Variants in PCDHGC5 observed in about 807,000 individuals in gnomAD.
The protein encoded by PCDHGC5 is protocadherin gamma-C5.
PCDHGC5 carries 25 observed loss-of-function variants against 59.0 expected under a neutral mutation model. That is an observed-to-expected ratio of 0.42 (90% CI 0.31 to 0.59). The LOEUF (loss-of-function observed/expected upper bound fraction) is 0.59. PCDHGC5 is among the 20% of genes least tolerant of loss of function. The probability of loss-of-function intolerance (pLI) is 0.13; values close to 1 mark genes in which losing one functional copy is unlikely to be tolerated. For missense variants in PCDHGC5, 1,067 were observed against 1,206.4 expected (o/e 0.88, Z 1.71); for synonymous variants, 434 against 505.5 (o/e 0.86, Z 1.90).
intron 2 of PCDHGC5, among the ~76,000 whole-genome samples, chr5:141,498,956 A>G (rs547381859): frequency 2.4e-5 from 3 of 124,058 alleles, no homozygotes; most frequent in African/African-American, 6.3e-5. Context: ...AAAAAGAGAG[A>G]GAGGGAGGGA....
rs2154594676 is a variant in PCDHGC5, at chr5:141,511,333, G to A, written c.*160G>A. 6.9e-7 allele frequency: 1 copy of A among 1,441,948 alleles called. No homozygotes were observed. Among genetic ancestry groups the A allele is most frequent in the Non-Finnish European group, 9.2e-7 (1 of 1,085,894 alleles). The allele number at this position is 1,441,948 out of a possible 1,614,324, so 89.3% of individuals were successfully genotyped here. On this transcript the variant is annotated 3_prime_UTR_variant, in exon 4 of 4. Transcript: ENST00000252087. Reference sequence around the variant, plus strand: ...GGAAACAGAAACAAGTGCCCAGTCAGCACCTACCCCTTCCCCCCCAGGGGG... The same window carrying A: ...GGAAACAGAAACAAGTGCCCAGTCAACACCTACCCCTTCCCCCCCAGGGGG...
Position 141,489,712 on chromosome 5 carries a change from C to G in PCDHGC5, c.472C>G (p.Gln158Glu). Residue 158 changes from glutamine (Q) to glutamate (E), a missense_variant, in exon 1 of 4, where the codon CAG becomes GAG. Physicochemically the swap from Gln to Glu is conservative, Grantham distance 29. Transcript: ENST00000252087. The surrounding 1 kb of genome is among the most constrained non-coding windows in gnomAD (Gnocchi z 4.5). ...SGARFPLDSA[Q>E]DPDVGTNTVS... ...GGCACGATTCCCACTGGACAGTGCC[C>G]AGGATCCGGATGTGGGCACCAATAC... The G allele has an allele frequency of 6.2e-7, 1 of 1,614,162 alleles. No individual in the cohort carries two copies. Among genetic ancestry groups the G allele is most frequent in the South Asian group, 1.1e-5 (1 of 91,078 alleles).
chr5:141,501,343 C>T (rs1202291965), intron 2 of PCDHGC5, among the ~76,000 whole-genome samples: 1 of 150,430 alleles, frequency 6.6e-6, no homozygotes, highest in Non-Finnish European at 1.5e-5. Context: ...ACCCCAAACT[C>T]AATAGGGCAA....
chr5:141,511,411 A>T lies in PCDHGC5; in HGVS notation c.*238A>T. On this transcript the variant is annotated 3_prime_UTR_variant, in exon 4 of 4. Transcript: ENST00000252087. ...GAACCCCCATCCAATCAACTGCTGTACCCATGGGGGTAGTGGGGTTACTGT... is the reference window on the plus strand; with the variant it reads ...GAACCCCCATCCAATCAACTGCTGTTCCCATGGGGGTAGTGGGGTTACTGT... 1.1e-6 allele frequency: 1 copy of T among 901,334 alleles called. No individual in the cohort carries two copies. Among genetic ancestry groups the T allele is most frequent in the Non-Finnish European group, 1.6e-6 (1 of 617,750 alleles). 55.8% of individuals were successfully genotyped at this position (901,334 alleles called of 1,614,324 possible).
chr5:141,494,746 C>A lies in PCDHGC5; in HGVS notation c.2461-61C>A. 3 of 1,613,088 alleles carry A rather than the reference C, an allele frequency of 1.9e-6. No individual in the cohort carries two copies. The South Asian group carries it at 3.3e-5, about 18-fold the overall frequency. On this transcript the variant is annotated intron_variant, in intron 1 of 3. Coordinates refer to ENST00000252087, the MANE Select transcript of PCDHGC5 (RefSeq NM_018929.3). ...TTCTCTCCCGGCCCATCCCTAGGGG[C>A]TCGGGTGACATTCTAACTTCTCACG...
At position 141,505,479 on chromosome 5, in the gene PCDHGC5, G is replaced by A; in HGVS notation, c.2606G>A (p.Ser869Asn). 1 of 1,614,228 alleles carries A rather than the reference G, an allele frequency of 6.2e-7. No homozygotes were observed. The highest frequency in any genetic ancestry group is 8.5e-7 in the Non-Finnish European group (1 of 1,180,018). Residue 869 changes from serine to asparagine, a missense_variant and splice_region_variant, in exon 3 of 4, where the codon AGT (serine) becomes AAT (asparagine). Ser to Asn is a conservative substitution (Grantham distance 46, BLOSUM62 1). Coordinates refer to ENST00000252087, the MANE Select transcript of PCDHGC5 (RefSeq NM_018929.3). Reference sequence around the variant, plus strand: ...CAAGCCATGATCTTGGCGTCCGCCAGTGGTAAGTGGTGTCAGTGTGTGTAT... The same window carrying A: ...CAAGCCATGATCTTGGCGTCCGCCAATGGTAAGTGGTGTCAGTGTGTGTAT... Reference protein sequence around the residue: ...MLQAMILASASEAADGSSTLG... With the variant: ...MLQAMILASANEAADGSSTLG...
chr5:141,489,247 C>T lies in PCDHGC5; in HGVS notation c.7C>T (p.Pro3Ser). 6.5e-7 allele frequency: 1 copy of T among 1,546,012 alleles called. No individual in the cohort carries two copies. The highest frequency in any genetic ancestry group is 8.7e-7 in the Non-Finnish European group (1 of 1,146,298). ...ACAAAGGGACTTCTGGGTCATGGGGCCCAAGACACTCCCACAGCTCGCTGG... is the reference window on the plus strand; with the variant it reads ...ACAAAGGGACTTCTGGGTCATGGGGTCCAAGACACTCCCACAGCTCGCTGG... MG[P>S]KTLPQLAGKW... The change falls in exon 1 of 4, where the codon CCC becomes TCC. Residue 3 changes from proline (P) to serine (S), a missense_variant. By Grantham distance (74) the Pro-to-Ser change is moderately conservative. Coordinates refer to ENST00000252087, the MANE Select transcript of PCDHGC5 (RefSeq NM_018929.3). This position sits in a 1 kb window ranked among gnomAD's most constrained non-coding sequence, Gnocchi z 4.5.
At chr5:141,503,335 G>A (rs111643076) in intron 2 of PCDHGC5, among the ~76,000 whole-genome samples, 108 of 152,220 alleles carry the variant, frequency 7.1e-4, no homozygotes, top group African/African-American at 2.4e-3. Context: ...GGTGGCTCAC[G>A]CCTGTAATTC....
At chr5:141,504,462 G>A (rs1375731108) in intron 2 of PCDHGC5, among the ~76,000 whole-genome samples, 5 of 152,074 alleles carry the variant, frequency 3.3e-5, no homozygotes, top group African/African-American at 9.7e-5. Flanking sequence ...TGGGGCAGCC[G>A]CTGGGATGGG....
chr5:141,490,419 G>T lies in PCDHGC5; in HGVS notation c.1179G>T (p.Leu393=), dbSNP rs1424302713. ...TGAGCCTTGATATCTCTCCGGACCT[G>T]CCATTTCAGATTAAGCCTTCTGAGA... is the stretch of plus-strand genomic sequence containing the variant. ...GEVSLDISPD[L]PFQIKPSENH... The change falls in exon 1 of 4, where the codon CTG becomes CTT. Residue 393 remains leucine (L), a synonymous_variant. Transcript: ENST00000252087. The surrounding 1 kb of genome is among the most constrained non-coding windows in gnomAD (Gnocchi z 5.4). The T allele has an allele frequency of 6.2e-7, 1 of 1,614,170 alleles. No homozygotes were observed. The highest frequency in any genetic ancestry group is 8.5e-7 in the Non-Finnish European group (1 of 1,180,020).
At chr5:141,498,980 GGAAGGAA>G in intron 2 of PCDHGC5, among the ~76,000 whole-genome samples, 1 of 44,970 alleles carries the variant, frequency 2.2e-5, no homozygotes, top group South Asian at 1.0e-3. Context: ...AGGGAAGGAA[GGAAGGAA>G]GGAAGGAAGG....
In PCDHGC5 at chr5:141,489,094, G is replaced by T; in HGVS notation, c.-147G>T. The T allele has an allele frequency of 1.5e-5, 6 of 395,994 alleles. No homozygotes were observed. The highest frequency in any genetic ancestry group is 4.1e-5 in the East Asian group (1 of 24,388). The allele number at this position is 395,994 out of a possible 1,614,324, so 24.5% of individuals were successfully genotyped here. ...CCCACCCCCGCCACTCGGTGACTAA[G>T]AACTGCTGCAAGCAGGCAAACCTCC... On this transcript the variant is annotated 5_prime_UTR_variant, in exon 1 of 4. Coordinates refer to ENST00000252087, the MANE Select transcript of PCDHGC5 (RefSeq NM_018929.3). This position sits in a 1 kb window ranked among gnomAD's most constrained non-coding sequence, Gnocchi z 4.5.
chr5:141,492,894 G>A (rs2099744893), intron 1 of PCDHGC5, among the ~76,000 whole-genome samples: 1 of 152,202 alleles, frequency 6.6e-6, no homozygotes, highest in Admixed American at 6.5e-5. Flanking sequence ...GGCTTTTGGC[G>A]CCGTCGTGAT....
Position 141,490,400 on chromosome 5 carries a change from T to A in PCDHGC5, c.1160T>A (p.Leu387His). The change falls in exon 1 of 4, where the codon CTT becomes CAT. Residue 387 changes from leucine (L) to histidine (H), a missense_variant. Coordinates refer to ENST00000252087, the MANE Select transcript of PCDHGC5 (RefSeq NM_018929.3). This position sits in a 1 kb window ranked among gnomAD's most constrained non-coding sequence, Gnocchi z 5.4. Reference protein sequence around the residue: ...RDSGRNGEVSLDISPDLPFQI... With the variant: ...RDSGRNGEVSHDISPDLPFQI... ...TCAGGTAGAAATGGTGAAGTGAGCC[T>A]TGATATCTCTCCGGACCTGCCATTT... The A allele has an allele frequency of 6.2e-7, 1 of 1,614,202 alleles. No homozygotes were observed. Among genetic ancestry groups the A allele is most frequent in the Non-Finnish European group, 8.5e-7 (1 of 1,180,032 alleles).
rs1405589878 is a variant in PCDHGC5 at position 141,504,323 on chromosome 5, T to A, written c.2520-1070T>A. On this transcript the variant is annotated intron_variant, in intron 2 of 3. Transcript: ENST00000252087. ...CACTCGGAGTTTCTAAAAGTCTCAC[T>A]TAGGTCCAAGTGCTAGGCTTTGTGC... Among the ~76,000 whole-genome samples, 4 of 152,114 alleles carry A rather than the reference T, an allele frequency of 2.6e-5. No individual in the cohort carries two copies. In the East Asian group the frequency reaches 7.7e-4, roughly 29 times the overall value.
chr5:141,498,827 G>C (rs2099786072), intron 2 of PCDHGC5, among the ~76,000 whole-genome samples: 1 of 152,102 alleles, frequency 6.6e-6, no homozygotes, highest in Non-Finnish European at 1.5e-5. Context: ...CAGCTACTCA[G>C]GAGGCTGAGG....
At chr5:141,499,186 T>A (rs1332703037) in intron 2 of PCDHGC5, among the ~76,000 whole-genome samples, 2 of 152,036 alleles carry the variant, frequency 1.3e-5, no homozygotes, top group Non-Finnish European at 2.9e-5. Context: ...AGCAAACCAT[T>A]TCCCCCTTCT....
chr5:141,504,836 C>A (rs550489904), intron 2 of PCDHGC5, among the ~76,000 whole-genome samples: 2 of 152,200 alleles, frequency 1.3e-5, no homozygotes, highest in East Asian at 3.9e-4. Context: ...TTTTCTCTAG[C>A]TCTGGAACAT....
Position 141,490,226 on chromosome 5 carries a change from C to T in PCDHGC5, c.986C>T (p.Ala329Val). The change falls in exon 1 of 4, where the codon GCC (alanine) becomes GTC (valine). Residue 329 changes from alanine (A) to valine (V), a missense_variant. Ala to Val is a moderately conservative substitution (Grantham distance 64). Coordinates refer to ENST00000252087, the MANE Select transcript of PCDHGC5 (RefSeq NM_018929.3). This position sits in a 1 kb window ranked among gnomAD's most constrained non-coding sequence, Gnocchi z 5.4. ...HARARDQGQP[A>V]MEGHCVIQVD... ...AGAGCCCGTGACCAGGGACAGCCTG[C>T]CATGGAGGGCCACTGTGTGATTCAA... The T allele has an allele frequency of 6.2e-7, 1 of 1,614,168 alleles. No homozygotes were observed. Among genetic ancestry groups the T allele is most frequent in the Non-Finnish European group, 8.5e-7 (1 of 1,180,020 alleles).
Sources: allele counts gnomAD v4.1 joint callset (sites outside exome capture counted in the v4.1 genomes callset), GRCh38; gene constraint gnomAD v4.1.1; non-coding constraint Gnocchi (gnomAD v3.1); transcripts MANE v1.5; gene names NCBI Gene and HGNC (gene_info 2026-07-23, HGNC 2026-07-21).